The following HIPK3 variants were observed in gnomAD, a reference collection of about 807,000 sequenced individuals.
The protein encoded by HIPK3 is homeodomain interacting protein kinase 3, also known as homeodomain-interacting protein kinase 3.
Under a neutral mutation model 124.2 loss-of-function variants are expected in HIPK3, and 47 were observed. That is an observed-to-expected ratio of 0.38 (90% confidence interval 0.30 to 0.48). HIPK3 has a LOEUF of 0.48. Ranked by LOEUF, HIPK3 falls within the 20% of genes least tolerant of loss-of-function variation. The pLI, the probability that HIPK3 is intolerant of heterozygous loss-of-function variation, is 0.98. For missense variants in HIPK3, 1,286 were observed against 1,454.3 expected (o/e 0.88, Z 1.88); for synonymous variants, 482 against 515.2 (o/e 0.94, Z 0.87).
intron 2 of HIPK3, among the ~76,000 whole-genome samples, chr11:33,324,632 T>C (rs1733928925): frequency 2.0e-5 from 3 of 152,194 alleles, no homozygotes; most frequent in Non-Finnish European, 4.4e-5. Flanking sequence ...GCTGAGGCCA[T>C]ACTTCCTTTG....
chr11:33,280,625 G>A (rs1034170592), intron 1 of HIPK3, among the ~76,000 whole-genome samples: 4 of 152,168 alleles, frequency 2.6e-5, no homozygotes, highest in Admixed American at 1.3e-4. Flanking sequence ...GGAATTGGCT[G>A]GTGAGGGATA....
intron 2 of HIPK3, among the ~76,000 whole-genome samples, chr11:33,310,312 A>G (rs1430314483): frequency 6.8e-6 from 1 of 146,298 alleles, no homozygotes; most frequent in Admixed American, 6.7e-5. Flanking sequence ...TATCTAATCT[A>G]TCTATCTATT....
At chr11:33,283,234 C>T (rs1851459278) in intron 1 of HIPK3, among the ~76,000 whole-genome samples, 1 of 151,740 alleles carries the variant, frequency 6.6e-6, no homozygotes, top group Admixed American at 6.6e-5. Flanking sequence ...CCTCAGCCTC[C>T]CGAGTAGCTG....
Position 33,348,007 on chromosome 11 carries a change from A to G in HIPK3, c.2300A>G (p.Gln767Arg), listed in dbSNP as rs143841994. 7.4e-6 allele frequency: 12 copies of G among 1,614,214 alleles called. No individual in the cohort carries two copies. The highest frequency in any genetic ancestry group is 1.1e-5 in the South Asian group (1 of 91,080). The stretch of plus-strand genomic sequence containing the variant: ...ACTACCAAGAAAAATAAACAGTGCC[A>G]GAACAGGTTGGTATTGGTGCTTTAG... ...PATTKKNKQC[Q>R]NRGILVKLME... The change falls in exon 11 of 17, where the codon CAG becomes CGG. Residue 767 changes from glutamine to arginine, a missense_variant. By Grantham distance (43) the Gln-to-Arg change is conservative. This residue lies in a region of HIPK3 where 810 missense variants were observed against 864.9 expected (regional missense o/e 0.94). Transcript: ENST00000303296.
intron 2 of HIPK3, among the ~76,000 whole-genome samples, chr11:33,289,380 G>C (rs2133906059): frequency 6.6e-6 from 1 of 152,196 alleles, no homozygotes; most frequent in South Asian, 2.1e-4. Flanking sequence ...AGGTGTTAGA[G>C]GCTACAGTGA....
At chr11:33,257,182 C>G (rs1296000740), upstream of HIPK3, 1 of 943,372 alleles carries the variant, frequency 1.1e-6, no homozygotes, top group Non-Finnish European at 1.3e-6. Context: ...CACGGGCTGG[C>G]AGGCGGGCTC....
chr11:33,289,827 A>G (rs1310608196), intron 2 of HIPK3, among the ~76,000 whole-genome samples: 2 of 152,160 alleles, frequency 1.3e-5, no homozygotes, highest in African/African-American at 4.8e-5. Flanking sequence ...TACCCTTCCT[A>G]GACTCTGGTA....
In HIPK3 at chr11:33,353,951, A is replaced by G. The variant is rs1047416545; in HGVS notation, c.*383A>G. ...GAATTACAGCATACAAGTGAATTGT[A>G]TTATCCGTGTCTTAGTGTATAAATG... On this transcript the variant is annotated 3_prime_UTR_variant, in exon 17 of 17. Coordinates refer to ENST00000303296, the MANE Select transcript of HIPK3 (RefSeq NM_005734.5). 1 of 210,344 alleles carries G rather than the reference A, an allele frequency of 4.8e-6. No individual in the cohort carries two copies. The highest frequency in any genetic ancestry group is 9.6e-6 in the Non-Finnish European group (1 of 103,702). 13.0% of individuals were successfully genotyped at this position (210,344 alleles called of 1,614,324 possible).
At chr11:33,268,400 G>C (rs1183726780) in intron 1 of HIPK3, among the ~76,000 whole-genome samples, 1 of 151,870 alleles carries the variant, frequency 6.6e-6, no homozygotes, top group Admixed American at 6.6e-5. Flanking sequence ...TTCAAGACCA[G>C]CCTGGGTATA....
At chr11:33,263,062 G>T (rs1456430052) in intron 1 of HIPK3, among the ~76,000 whole-genome samples, 1 of 152,142 alleles carries the variant, frequency 6.6e-6, no homozygotes, top group African/African-American at 2.4e-5. Flanking sequence ...TAGAGACGGG[G>T]TTGTGCTTTG....
At chr11:33,319,490 C>T (rs960545260) in intron 2 of HIPK3, among the ~76,000 whole-genome samples, 1 of 144,152 alleles carries the variant, frequency 6.9e-6, no homozygotes, top group African/African-American at 2.5e-5. Context: ...GAGCGAAACT[C>T]CATCTCAAAA....
chr11:33,352,379 C>A, intron 16 of HIPK3, 114 bp downstream of exon 16: 1 of 1,107,550 alleles, frequency 9.0e-7, no homozygotes, highest in Non-Finnish European at 1.3e-6. Context: ...TTTTTCCCTT[C>A]TCATTATCCC....
In HIPK3 at chr11:33,348,608, G is replaced by T; in HGVS notation, c.2456G>T (p.Ser819Ile). The change falls in exon 13 of 17, where the codon AGT becomes ATT. Residue 819 changes from serine to isoleucine, a missense_variant. Ser to Ile is a moderately radical substitution (Grantham distance 142). Transcript: ENST00000303296. ...AATGGGAAAGATGTCGAGGAAGTAAGTTGTATAGAAACACAGGACAATCAG... is the reference window on the plus strand; with the variant it reads ...AATGGGAAAGATGTCGAGGAAGTAATTTGTATAGAAACACAGGACAATCAG... ...IINGKDVEEVSCIETQDNQNS... is the reference protein window; with the variant it reads ...IINGKDVEEVICIETQDNQNS... 5.0e-6 allele frequency: 8 copies of T among 1,614,032 alleles called. No homozygotes were observed. The highest frequency in any genetic ancestry group is 6.8e-6 in the Non-Finnish European group (8 of 1,179,884).
chr11:33,296,653 T>TA lies in HIPK3; in HGVS notation c.1097+9143dup, dbSNP rs138315427. Among the ~76,000 whole-genome samples the TA allele has an allele frequency of 5.8e-3, 878 of 152,316 alleles. 9 individuals carry two copies. The highest frequency in any genetic ancestry group is 0.019 in the African/African-American group (810 of 41,564). On this transcript the variant is annotated intron_variant, in intron 2 of 16. Coordinates refer to ENST00000303296, the MANE Select transcript of HIPK3 (RefSeq NM_005734.5). ...ATTTGTTACAATGATCTTTGAACAG[T>TA]AGTCTTTGATGTTACTATTATAATC...
intron 2 of HIPK3, among the ~76,000 whole-genome samples, chr11:33,301,346 C>G (rs1001099202): frequency 5.9e-5 from 9 of 152,170 alleles, no homozygotes; most frequent in Admixed American, 5.9e-4. Flanking sequence ...TCCCCAAACT[C>G]CTTCTCTCCC....
At chr11:33,316,418 A>G (rs1360151621) in intron 2 of HIPK3, among the ~76,000 whole-genome samples, 1 of 152,204 alleles carries the variant, frequency 6.6e-6, no homozygotes, top group African/African-American at 2.4e-5. Context: ...TGTTATGCTA[A>G]AAGAGTCTCC....
chr11:33,292,510 C>G (rs1851724463), intron 2 of HIPK3, among the ~76,000 whole-genome samples: 1 of 152,056 alleles, frequency 6.6e-6, no homozygotes, highest in Non-Finnish European at 1.5e-5. Context: ...GCGATGACCC[C>G]AGAATGACCC....
intron 1 of HIPK3, among the ~76,000 whole-genome samples, chr11:33,275,772 C>T (rs531284841): frequency 3.7e-4 from 56 of 152,236 alleles, no homozygotes; most frequent in African/African-American, 1.3e-3. Context: ...TATATAATGA[C>T]CAACAGCTTT....
chr11:33,353,687 AT>A lies in HIPK3; in HGVS notation c.*122del. ...TTTGAATCATGTAGACTTGGGTGCA[AT>A]TTAAACAACTTTGAGCTTTAAAAAC... On this transcript the variant is annotated 3_prime_UTR_variant, in exon 17 of 17. Coordinates refer to ENST00000303296, the MANE Select transcript of HIPK3 (RefSeq NM_005734.5). 1.4e-6 allele frequency: 1 copy of A among 718,846 alleles called. No individual in the cohort carries two copies. The highest frequency in any genetic ancestry group is 1.9e-5 in the South Asian group (1 of 53,666). 44.5% of individuals were successfully genotyped at this position (718,846 alleles called of 1,614,324 possible). A position where few individuals can be genotyped will look rare whatever the true frequency, so the allele number is the denominator to read the frequency against.
Sources: gnomAD v4.1 joint callset for allele counts (sites outside exome capture counted in the v4.1 genomes callset) on GRCh38, gnomAD v4.1.1 for gene constraint, gnomAD v4.1.1 regional missense constraint, MANE v1.5 for transcripts, NCBI Gene and HGNC (gene_info 2026-07-23, HGNC 2026-07-21) for gene names.